The following SLC16A12 variants were observed in gnomAD, a reference collection of about 807,000 sequenced individuals.
SLC16A12 encodes the protein solute carrier family 16 member 12, also known as monocarboxylate transporter 12.
In SLC16A12, 17 loss-of-function variants were observed where a neutral mutation model predicts 42.4. The ratio of observed to expected loss-of-function variants is 0.40; its 90% CI spans 0.27 to 0.60. The LOEUF is 0.60. Ranked by LOEUF, SLC16A12 falls within the 20% of genes least tolerant of loss-of-function variation. The pLI is 0.42. For missense variants in SLC16A12, 544 were observed against 623.0 expected, an observed-to-expected ratio of 0.87 and a Z score of 1.35; for synonymous variants, 224 against 229.4, an observed-to-expected ratio of 0.98 and a Z score of 0.21.
At chr10:89,544,954 G>A (rs1843734505) in intron 2 of SLC16A12, among the ~76,000 whole-genome samples, 2 of 152,202 alleles carry the variant, frequency 1.3e-5, no homozygotes, top group Non-Finnish European at 2.9e-5. Flanking sequence ...ATCATCTTAT[G>A]ATTGCTTTAG....
intron 2 of SLC16A12, among the ~76,000 whole-genome samples, chr10:89,551,779 C>G (rs572258306): frequency 1.3e-5 from 2 of 152,136 alleles, no homozygotes; most frequent in Non-Finnish European, 2.9e-5. Flanking sequence ...TGCCTTCTGC[C>G]ATGATTCTGA....
At chr10:89,443,888 C>T in intron 3 of SLC16A12, 29 bp from the exon 4 acceptor site, 1 of 1,411,906 alleles carries the variant, frequency 7.1e-7, no homozygotes, top group Non-Finnish European at 1.0e-6. Context: ...GCATTTTATA[C>T]AAAAAATGAA....
intron 2 of SLC16A12, chr10:89,463,017 G>C (rs1842328525): frequency 1.1e-5 from 2 of 175,660 alleles, no homozygotes; most frequent in Non-Finnish European, 1.2e-5. Flanking sequence ...CTGGAAGATG[G>C]ATGTGGATAT....
intron 2 of SLC16A12, among the ~76,000 whole-genome samples, chr10:89,489,429 TC>T (rs1842813891): frequency 6.6e-6 from 1 of 152,136 alleles, no homozygotes; most frequent in Admixed American, 6.6e-5. Context: ...AACCTCTGTC[TC>T]CCGGGCTCAA....
At chr10:89,556,161 G>T (rs952531524) in intron 1 of SLC16A12, among the ~76,000 whole-genome samples, 2 of 152,130 alleles carry the variant, frequency 1.3e-5, no homozygotes, top group Non-Finnish European at 2.9e-5. Flanking sequence ...CAGGCACTGT[G>T]CTAAGCACTT....
chr10:89,556,447 C>T (rs1843816585), intron 1 of SLC16A12: 2 of 152,198 alleles, frequency 1.3e-5, no homozygotes, highest in African/African-American at 2.4e-5. Context: ...ACTCCCATAG[C>T]CCTTGTTACA....
intron 7 of SLC16A12, among the ~76,000 whole-genome samples, chr10:89,434,156 AT>A (rs1278823837): frequency 6.6e-6 from 1 of 152,166 alleles, no homozygotes; most frequent in African/African-American, 2.4e-5. Context: ...GCCCCACAAA[AT>A]TTCCTGAATT....
chr10:89,551,137 G>T (rs974369433), intron 2 of SLC16A12, among the ~76,000 whole-genome samples: 4 of 152,108 alleles, frequency 2.6e-5, no homozygotes, highest in Non-Finnish European at 4.4e-5. Flanking sequence ...ACTGGTGACC[G>T]GTGATCAAAA....
chr10:89,438,983 G>T lies in SLC16A12; in HGVS notation c.649C>A (p.Leu217Ile), dbSNP rs1841855456. The T allele has an allele frequency of 6.2e-7, 1 of 1,614,190 alleles. No homozygotes were observed. The highest frequency in any genetic ancestry group is 8.5e-7 in the Non-Finnish European group (1 of 1,180,040). Residue 217 changes from leucine to isoleucine, a missense_variant, in exon 6 of 8, where the codon CTC becomes ATC. Coordinates refer to ENST00000371790, the MANE Select transcript of SLC16A12 (RefSeq NM_213606.4). ...LLILGGFVLN[L>I]CVCGALMRPI... ...CTCATCAAGGCACCACATACACAGA[G>T]ATTCAAGACAAAGCCCCCAAGAATG...
chr10:89,525,170 G>A (rs1055287902), intron 2 of SLC16A12, among the ~76,000 whole-genome samples: 5 of 140,174 alleles, frequency 3.6e-5, no homozygotes, highest in Admixed American at 7.7e-5. Flanking sequence ...GCCGTGGGCC[G>A]AGATCGTGCC....
chr10:89,534,640 T>C lies in SLC16A12; in HGVS notation c.-186A>G. 1.5e-5 allele frequency: 1 copy of C among 68,946 alleles called. No individual in the cohort carries two copies. Among genetic ancestry groups the C allele is most frequent in the Non-Finnish European group, 2.4e-5 (1 of 41,966 alleles). The allele number at this position is 68,946 out of a possible 1,614,324, so 4.3% of individuals were successfully genotyped here. A position where few individuals can be genotyped will look rare whatever the true frequency, so the allele number is the denominator to read the frequency against. ...CCGGCCAATATGTCGAAATCCTGTA[T>C]CTGCAAAAAAAAAAAAAAAAAAAAA... On this transcript the variant is annotated splice_region_variant and 5_prime_UTR_variant, in exon 2 of 8. Coordinates refer to ENST00000371790, the MANE Select transcript of SLC16A12 (RefSeq NM_213606.4).
intron 2 of SLC16A12, among the ~76,000 whole-genome samples, chr10:89,463,780 A>G (rs1427073250): frequency 6.6e-6 from 1 of 152,198 alleles, no homozygotes; most frequent in African/African-American, 2.4e-5. Context: ...CTAAATATTT[A>G]TTGAATCCCT....
chr10:89,469,998 C>A (rs533914506), intron 2 of SLC16A12, among the ~76,000 whole-genome samples: 1 of 152,148 alleles, frequency 6.6e-6, no homozygotes, highest in South Asian at 2.1e-4. Context: ...CTGAAATATT[C>A]CTATACTATA....
chr10:89,446,764 C>A (rs1447442471), intron 3 of SLC16A12, among the ~76,000 whole-genome samples: 1 of 152,172 alleles, frequency 6.6e-6, no homozygotes, highest in Admixed American at 6.5e-5. Flanking sequence ...AACATATTAA[C>A]CTTAAATGTA....
At chr10:89,507,891 A>G (rs2133832688) in intron 2 of SLC16A12, among the ~76,000 whole-genome samples, 3 of 152,340 alleles carry the variant, frequency 2.0e-5, no homozygotes, top group Admixed American at 2.0e-4. Flanking sequence ...AAGATCTACC[A>G]AGCAAATGGA....
chr10:89,465,021 A>G (rs976588552), intron 2 of SLC16A12, among the ~76,000 whole-genome samples: 1 of 152,214 alleles, frequency 6.6e-6, no homozygotes, highest in African/African-American at 2.4e-5. Context: ...TAATATTGCT[A>G]AACACTGGCC....
chr10:89,509,720 A>C (rs1843132563), intron 2 of SLC16A12, among the ~76,000 whole-genome samples: 1 of 152,210 alleles, frequency 6.6e-6, no homozygotes, highest in African/African-American at 2.4e-5. Flanking sequence ...TTTTCAACAT[A>C]GTATTGGAAG....
chr10:89,479,317 T>C (rs1177790752), intron 2 of SLC16A12, among the ~76,000 whole-genome samples: 1 of 152,166 alleles, frequency 6.6e-6, no homozygotes. Context: ...TTTTTTTTTT[T>C]CATGTGGGAT....
chr10:89,539,390 A>G (rs957183688), upstream of SLC16A12, among the ~76,000 whole-genome samples: 1 of 152,190 alleles, frequency 6.6e-6, no homozygotes, highest in Non-Finnish European at 1.5e-5. Context: ...GAGGCACAGA[A>G]TATTTTGTCA....
Sources: gnomAD v4.1 joint callset for allele counts (sites outside exome capture counted in the v4.1 genomes callset) on GRCh38, gnomAD v4.1.1 for gene constraint, MANE v1.5 for transcripts, NCBI Gene and HGNC (gene_info 2026-07-23, HGNC 2026-07-21) for gene names.